The following DGKB variants were observed in gnomAD, a reference collection of about 807,000 sequenced individuals.
DGKB encodes the protein 90 kDa diacylglycerol kinase.
DGKB carries 67 observed loss-of-function variants against 114.3 expected under a neutral mutation model. That is an observed-to-expected ratio of 0.59 (90% CI 0.48 to 0.72). The LOEUF (loss-of-function observed/expected upper bound fraction) is 0.72. Among genes scored for constraint, DGKB ranks in the 30% least tolerant of loss-of-function variants. The probability of loss-of-function intolerance (pLI) is 0.00; values close to 1 mark genes in which losing one functional copy is unlikely to be tolerated. For synonymous variants in DGKB, 398 were observed against 323.1 expected (o/e 1.23, Z -2.49); for missense variants, 907 against 975.2 (o/e 0.93, Z 0.93).
At chr7:14,948,155 A>C (rs1467261723) in intron 1 of DGKB, among the ~76,000 whole-genome samples, 1 of 151,868 alleles carries the variant, frequency 6.6e-6, no homozygotes, top group Admixed American at 6.6e-5. Flanking sequence ...CAAGAATGTA[A>C]CAAAGCATCT....
intron 20 of DGKB, among the ~76,000 whole-genome samples, chr7:14,482,816 T>A (rs939998963): frequency 3.3e-5 from 5 of 152,132 alleles, no homozygotes; most frequent in Non-Finnish European, 7.4e-5. Context: ...TTTCACCTGT[T>A]AATATTTTTA....
At position 14,228,747 on chromosome 7, in the gene DGKB, A is replaced by C. The variant is rs140050719; in HGVS notation, c.2123-50596T>G. Among the ~76,000 whole-genome samples, 1,242 of 152,164 alleles carry C rather than the reference A, an allele frequency of 8.2e-3. 20 individuals carry two copies. Among genetic ancestry groups the C allele is most frequent in the African/African-American group, 0.029 (1,199 of 41,546 alleles). ...AACACTAAGATTTTCAGGGCCAAATAAATACTCAACCTCTACCATTGCTCT... is the reference window on the plus strand; with the variant it reads ...AACACTAAGATTTTCAGGGCCAAATCAATACTCAACCTCTACCATTGCTCT... On this transcript the variant is annotated intron_variant, in intron 23 of 25. Coordinates refer to ENST00000402815, the MANE Select transcript of DGKB (RefSeq NM_001350709.2).
chr7:14,548,348 T>C (rs796113571), intron 20 of DGKB, among the ~76,000 whole-genome samples: 11 of 152,326 alleles, frequency 7.2e-5, no homozygotes, highest in African/African-American at 2.6e-4. Context: ...TAAGATTACA[T>C]AAAGATATGC....
At chr7:14,613,997 A>G (rs1375222416) in intron 15 of DGKB, among the ~76,000 whole-genome samples, 1 of 152,138 alleles carries the variant, frequency 6.6e-6, no homozygotes, top group Non-Finnish European at 1.5e-5. Context: ...TTGCTAGTTA[A>G]TCAAGTATAT....
intron 20 of DGKB, among the ~76,000 whole-genome samples, chr7:14,527,581 T>C (rs1282343543): frequency 1.3e-5 from 2 of 152,248 alleles, no homozygotes; most frequent in East Asian, 1.9e-4. Flanking sequence ...TCCTTATGCA[T>C]ACTTGACTCT....
At chr7:14,219,845 C>T (rs1208260920) in intron 23 of DGKB, among the ~76,000 whole-genome samples, 3 of 151,612 alleles carry the variant, frequency 2.0e-5, no homozygotes, top group African/African-American at 4.8e-5. Context: ...GAATCCATTG[C>T]TGAATCAAGT....
chr7:14,217,455 AATC>A (rs1461856173), intron 23 of DGKB, among the ~76,000 whole-genome samples: 1 of 152,086 alleles, frequency 6.6e-6, no homozygotes, highest in Non-Finnish European at 1.5e-5. Flanking sequence ...TAAAGAAAAA[AATC>A]ATCACAAATC....
intron 20 of DGKB, among the ~76,000 whole-genome samples, chr7:14,559,497 T>C (rs932056475): frequency 7.2e-5 from 11 of 152,156 alleles, no homozygotes; most frequent in African/African-American, 2.7e-4. Flanking sequence ...AGGTTGGGCC[T>C]TAGTTCTGGG....
At chr7:14,597,039 C>T (rs1486513552) in intron 17 of DGKB, among the ~76,000 whole-genome samples, 1 of 152,208 alleles carries the variant, frequency 6.6e-6, no homozygotes, top group South Asian at 2.1e-4. Context: ...TGCTTCTGGG[C>T]ACACATCTTA....
At chr7:14,917,455 C>T (rs573539554) in intron 1 of DGKB, among the ~76,000 whole-genome samples, 1 of 151,736 alleles carries the variant, frequency 6.6e-6, no homozygotes, top group Admixed American at 6.6e-5. Context: ...ATCACTGATC[C>T]CATTTATAAT....
chr7:14,575,369 T>C (rs1798969272), intron 19 of DGKB, among the ~76,000 whole-genome samples: 1 of 152,178 alleles, frequency 6.6e-6, no homozygotes, highest in Admixed American at 6.5e-5. Context: ...GAATATATGA[T>C]AGACGGTCAA....
At chr7:14,589,674 C>T (rs916123877) in intron 17 of DGKB, among the ~76,000 whole-genome samples, 5 of 151,852 alleles carry the variant, frequency 3.3e-5, no homozygotes, top group Admixed American at 2.6e-4. Context: ...GTCCTTTAAT[C>T]GGTTAGTGTG....
intron 23 of DGKB, among the ~76,000 whole-genome samples, chr7:14,287,145 A>AT (rs1262115483): frequency 6.6e-6 from 1 of 152,132 alleles, no homozygotes; most frequent in Admixed American, 6.6e-5. Context: ...TGAACTTATT[A>AT]TTACAGAATT....
chr7:14,954,756 T>C (rs1786402582), intron 1 of DGKB, among the ~76,000 whole-genome samples: 1 of 152,066 alleles, frequency 6.6e-6, no homozygotes. Context: ...TGTGATAAAA[T>C]ATATAAAATT....
At position 14,444,183 on chromosome 7, in the gene DGKB, A is replaced by G. The variant is rs1349617726; in HGVS notation, c.1835+33978T>C. Among the ~76,000 whole-genome samples, 7 of 152,002 alleles carry G rather than the reference A, an allele frequency of 4.6e-5. No homozygotes were observed. In the East Asian group the frequency reaches 1.3e-3, roughly 29 times the overall value. On this transcript the variant is annotated intron_variant, in intron 21 of 25. Coordinates refer to ENST00000402815, the MANE Select transcript of DGKB (RefSeq NM_001350709.2). ...GGTATAATATCACCTGAGTTTTATA[A>G]ATCCTCTTTATATCTACAACTGCAA...
intron 1 of DGKB, among the ~76,000 whole-genome samples, chr7:14,913,999 TAC>T (rs1465873870): frequency 6.6e-6 from 1 of 152,164 alleles, no homozygotes; most frequent in East Asian, 1.9e-4. Context: ...AATGTAGCCC[TAC>T]TAGGTTCTCA....
At chr7:14,442,696 T>G (rs1050104071) in intron 21 of DGKB, among the ~76,000 whole-genome samples, 1 of 152,108 alleles carries the variant, frequency 6.6e-6, no homozygotes, top group African/African-American at 2.4e-5. Context: ...ATTTCTAACT[T>G]TTTTCTAATG....
Position 14,758,928 on chromosome 7 carries a change from G to GATAGATAGATAGATAAC in DGKB, c.71-1198_71-1197insGTTATCTATCTATCTAT, listed in dbSNP as rs376591211. Among the ~76,000 whole-genome samples, 102 of 146,958 alleles carry GATAGATAGATAGATAAC rather than the reference G, an allele frequency of 6.9e-4. 1 individual carries two copies. Among genetic ancestry groups the GATAGATAGATAGATAAC allele is most frequent in the African/African-American group, 2.5e-3 (98 of 39,610 alleles). On this transcript the variant is annotated intron_variant, in intron 2 of 25. Coordinates refer to ENST00000402815, the MANE Select transcript of DGKB (RefSeq NM_001350709.2). ...AGATAGATAGATAGATAGATAGATA[G>GATAGATAGATAGATAAC]ATAGATACATAGATAGATAGAGTTT...
chr7:14,579,936 G>C (rs374622223), intron 19 of DGKB, among the ~76,000 whole-genome samples: 22 of 152,126 alleles, frequency 1.4e-4, no homozygotes, highest in African/African-American at 5.1e-4. Flanking sequence ...TTCTCTAAGT[G>C]AGCTTTGATG....
Sources: allele counts gnomAD v4.1 joint callset (sites outside exome capture counted in the v4.1 genomes callset), GRCh38; gene constraint gnomAD v4.1.1; transcripts MANE v1.5; gene names NCBI Gene and HGNC (gene_info 2026-07-23, HGNC 2026-07-21).